The following RUNX3 variants were observed in gnomAD, a reference collection of about 807,000 sequenced individuals.
The protein encoded by RUNX3 is RUNX family transcription factor 3.
Under a neutral mutation model 27.7 loss-of-function variants are expected in RUNX3, and 10 were observed. The ratio of observed to expected loss-of-function variants is 0.36; its 90% CI spans 0.22 to 0.61. The LOEUF is 0.61. Ranked by LOEUF, RUNX3 falls within the 20% of genes least tolerant of loss-of-function variation. The probability of loss-of-function intolerance (pLI) is 0.72; values close to 1 mark genes in which losing one functional copy is unlikely to be tolerated. For missense variants in RUNX3, 469 were observed against 629.5 expected (o/e 0.75, Z 2.73); for synonymous variants, 270 against 269.2 (o/e 1.00, Z -0.03).
chr1:24,905,861 C>T lies in RUNX3; in HGVS notation c.703+1398G>A, dbSNP rs1486679917. ...GAGGCAGCTACGCGGCAGGGGTGGG[C>T]GTGAGCACAGCGTGCAGGGCTCCTT... On this transcript the variant is annotated intron_variant, in intron 4 of 4. Coordinates refer to ENST00000308873, the MANE Select transcript of RUNX3 (RefSeq NM_004350.3). Among the ~76,000 whole-genome samples, 8 of 152,340 alleles carry T rather than the reference C, an allele frequency of 5.3e-5. No homozygotes were observed. The East Asian group carries it at 5.8e-4, about 11-fold the overall frequency.
intron 4 of RUNX3, among the ~76,000 whole-genome samples, chr1:24,905,380 T>C (rs1266304665): frequency 1.3e-5 from 2 of 152,234 alleles, no homozygotes; most frequent in Non-Finnish European, 2.9e-5. Flanking sequence ...GCAGAGTTCA[T>C]GCTCGCCCTG....
chr1:24,921,755 T>C (rs1401243432), intron 2 of RUNX3, among the ~76,000 whole-genome samples: 6 of 152,138 alleles, frequency 3.9e-5, no homozygotes, highest in African/African-American at 9.7e-5. Flanking sequence ...TTCTTGGTTA[T>C]GACGGGGAGT....
At position 24,923,823 on chromosome 1, in the gene RUNX3, G is replaced by C. The variant is rs565001691; in HGVS notation, c.439+3751C>G. Among the ~76,000 whole-genome samples the C allele has an allele frequency of 6.6e-6, 1 of 152,108 alleles. No homozygotes were observed. Among genetic ancestry groups the C allele is most frequent in the Non-Finnish European group, 1.5e-5 (1 of 68,028 alleles). On this transcript the variant is annotated intron_variant, in intron 2 of 4. Transcript: ENST00000308873. This position sits in a 1 kb window ranked among gnomAD's most constrained non-coding sequence, Gnocchi z 5.9. Reference sequence around the variant, plus strand: ...GCACACTGCACCCCGAATCTCTGTCGACACACAGTTGCTTTTTAACCAGTT... The same window carrying C: ...GCACACTGCACCCCGAATCTCTGTCCACACACAGTTGCTTTTTAACCAGTT...
Position 24,927,802 on chromosome 1 carries a change from A to G in RUNX3, c.283-72T>C. ...AGAGGGTGACCAGGGAAAGGAGGGG[A>G]GGGGCTGGGCTGGGCAGCTCCCCCA... On this transcript the variant is annotated intron_variant, in intron 1 of 4. Transcript: ENST00000308873. This position sits in a 1 kb window ranked among gnomAD's most constrained non-coding sequence, Gnocchi z 5.0. The G allele has an allele frequency of 8.9e-7, 1 of 1,125,632 alleles. No individual in the cohort carries two copies. Among genetic ancestry groups the G allele is most frequent in the Non-Finnish European group, 1.3e-6 (1 of 758,896 alleles). 69.7% of individuals were successfully genotyped at this position (1,125,632 alleles called of 1,614,324 possible). A position where few individuals can be genotyped will look rare whatever the true frequency, so the allele number is the denominator to read the frequency against.
Position 24,916,934 on chromosome 1 carries a change from C to T in RUNX3, c.544+2306G>A, listed in dbSNP as rs1640901463. On this transcript the variant is annotated intron_variant, in intron 3 of 4. Coordinates refer to ENST00000308873, the MANE Select transcript of RUNX3 (RefSeq NM_004350.3). The surrounding 1 kb of genome is among the most constrained non-coding windows in gnomAD (Gnocchi z 4.8). ...GCCACGCATTTACCTTCCAGCTCACCCCAGAAGGGGCCATCTCAGGTCTGG... is the reference window on the plus strand; with the variant it reads ...GCCACGCATTTACCTTCCAGCTCACTCCAGAAGGGGCCATCTCAGGTCTGG... Among the ~76,000 whole-genome samples, 1 of 152,156 alleles carries T rather than the reference C, an allele frequency of 6.6e-6. No homozygotes were observed. Among genetic ancestry groups the T allele is most frequent in the Admixed American group, 6.5e-5 (1 of 15,276 alleles).
rs1450739468 is a variant in RUNX3 at position 24,902,411 on chromosome 1, C to A, written c.959G>T (p.Ser320Ile). 6.2e-7 allele frequency: 1 copy of A among 1,612,516 alleles called. No homozygotes were observed. Among genetic ancestry groups the A allele is most frequent in the South Asian group, 1.1e-5 (1 of 91,066 alleles). Residue 320 changes from serine (S) to isoleucine (I), a missense_variant, in exon 5 of 5, where the codon AGC becomes ATC. Ser to Ile is a moderately radical substitution (Grantham distance 142, BLOSUM62 -2). Transcript: ENST00000308873. This position sits in a 1 kb window ranked among gnomAD's most constrained non-coding sequence, Gnocchi z 9.2. ...PPYPGAPQNQ[S>I]GPFQANPSPY... is the part of the protein sequence containing the mutation. ...GGACGGGTTGGCCTGGAAGGGCCCGCTCTGGTTCTGCGGGGCCCCCGGGTA... is the reference window on the plus strand; with the variant it reads ...GGACGGGTTGGCCTGGAAGGGCCCGATCTGGTTCTGCGGGGCCCCCGGGTA...
chr1:24,935,892 C>T (rs1641339823), intron 2 of RUNX3, among the ~76,000 whole-genome samples: 1 of 152,000 alleles, frequency 6.6e-6, no homozygotes, highest in African/African-American at 2.4e-5. Context: ...AGCTTTTCCT[C>T]TGTGGGCCTC....
chr1:24,953,417 A>G (rs1323842458), intron 2 of RUNX3, among the ~76,000 whole-genome samples: 1 of 150,806 alleles, frequency 6.6e-6, no homozygotes, highest in African/African-American at 2.4e-5. Context: ...AAAAAAAAAA[A>G]CAGATCTGCA....
chr1:24,915,482 C>CTAGA (rs1640872617), intron 3 of RUNX3, among the ~76,000 whole-genome samples: 1 of 152,112 alleles, frequency 6.6e-6, no homozygotes, highest in African/African-American at 2.4e-5. Context: ...AACTATCGGA[C>CTAGA]TAGATAGCAC....
chr1:24,902,815 C>T lies in RUNX3; in HGVS notation c.704-149G>A, dbSNP rs931872973. ...TCTCCTCTTCCTGCCCTAGGCTGCC[C>T]GGGGCCTCCCCCGCCAGGACTCCGA... On this transcript the variant is annotated intron_variant, in intron 4 of 4. Transcript: ENST00000308873. This position sits in a 1 kb window ranked among gnomAD's most constrained non-coding sequence, Gnocchi z 9.2. 69 of 597,194 alleles carry T rather than the reference C, an allele frequency of 1.2e-4. No individual in the cohort carries two copies. In the East Asian group the frequency reaches 1.3e-3, roughly 11 times the overall value. The allele number at this position is 597,194 out of a possible 1,614,324, so 37.0% of individuals were successfully genotyped here. A position where few individuals can be genotyped will look rare whatever the true frequency, so the allele number is the denominator to read the frequency against.
chr1:24,930,688 C>T (rs1008224890), upstream of RUNX3, among the ~76,000 whole-genome samples: 3 of 152,114 alleles, frequency 2.0e-5, no homozygotes, highest in Non-Finnish European at 4.4e-5. This position sits in a 1 kb window ranked among gnomAD's most constrained non-coding sequence, Gnocchi z 4.1. Flanking sequence ...TCTGCAACCC[C>T]GGGCTGGGGG....
At chr1:24,931,619 C>A (rs1372751429), upstream of RUNX3, among the ~76,000 whole-genome samples, 1 of 152,214 alleles carries the variant, frequency 6.6e-6, no homozygotes, top group Non-Finnish European at 1.5e-5. Flanking sequence ...GAATTCCAAG[C>A]CTCGGAAGCA....
intron 2 of RUNX3, among the ~76,000 whole-genome samples, chr1:24,924,151 G>C (rs1641053499): frequency 6.6e-6 from 1 of 152,164 alleles, no homozygotes; most frequent in African/African-American, 2.4e-5. Context: ...AGGATCGCTT[G>C]AGTCCAGGAG....
intron 2 of RUNX3, among the ~76,000 whole-genome samples, chr1:24,959,870 G>A (rs141063039): frequency 1.6e-4 from 25 of 152,246 alleles, no homozygotes; most frequent in Non-Finnish European, 2.6e-4. Flanking sequence ...GGGGGACCTC[G>A]GCCAGACCCA....
chr1:24,908,284 G>A (rs1466322659), intron 3 of RUNX3, among the ~76,000 whole-genome samples: 1 of 148,698 alleles, frequency 6.7e-6, no homozygotes, highest in African/African-American at 2.5e-5. Flanking sequence ...AAACCTCTAC[G>A]ACATGTGGTG....
In RUNX3 at chr1:24,929,737, G is replaced by C. The variant is rs962788675; in HGVS notation, c.132C>G (p.Pro44=). ...GALSAQAAVG[P]GGRARPEVRS... ...GCACCTCGGGCCGGGCGCGCCCTCCGGGCCCCACGGCCGCCTGCGCGCTCA... is the reference window on the plus strand; with the variant it reads ...GCACCTCGGGCCGGGCGCGCCCTCCCGGCCCCACGGCCGCCTGCGCGCTCA... The change falls in exon 1 of 5, where the codon CCC becomes CCG. Residue 44 remains proline (P), a synonymous_variant. Coordinates refer to ENST00000308873, the MANE Select transcript of RUNX3 (RefSeq NM_004350.3). 17 of 1,487,888 alleles carry C rather than the reference G, an allele frequency of 1.1e-5. No individual in the cohort carries two copies. The highest frequency in any genetic ancestry group is 1.3e-5 in the South Asian group (1 of 77,296). The allele number at this position is 1,487,888 out of a possible 1,614,324, so 92.2% of individuals were successfully genotyped here.
intron 3 of RUNX3, among the ~76,000 whole-genome samples, chr1:24,918,711 G>GATGGACC (rs1361339710): frequency 2.6e-5 from 4 of 152,138 alleles, no homozygotes; most frequent in African/African-American, 9.7e-5. Context: ...AACTCGCTTT[G>GATGGACC]ATGGACCAGA....
At chr1:24,936,130 T>A (rs1177182792) in intron 2 of RUNX3, among the ~76,000 whole-genome samples, 2 of 152,228 alleles carry the variant, frequency 1.3e-5, no homozygotes, top group Non-Finnish European at 2.9e-5. Context: ...CAAGGGGGCT[T>A]CTGGGAAACA....
rs376662782 is a variant in RUNX3 at position 24,919,206 on chromosome 1, C to G, written c.544+34G>C. ...CTTCCCGCACTGGACCCTCCTCCCC[C>G]GCGCAGGGGCTCAGGGGGCTCGGTG... On this transcript the variant is annotated intron_variant, in intron 3 of 4. Coordinates refer to ENST00000308873, the MANE Select transcript of RUNX3 (RefSeq NM_004350.3). 9.5e-6 allele frequency: 13 copies of G among 1,367,792 alleles called. No individual in the cohort carries two copies. In the East Asian group the frequency reaches 2.9e-4, roughly 30 times the overall value. 84.7% of individuals were successfully genotyped at this position (1,367,792 alleles called of 1,614,324 possible).
Sources: gnomAD v4.1 joint callset for allele counts (sites outside exome capture counted in the v4.1 genomes callset) on GRCh38, gnomAD v4.1.1 for gene constraint, Gnocchi (gnomAD v3.1) non-coding constraint, MANE v1.5 for transcripts, NCBI Gene and HGNC (gene_info 2026-07-23, HGNC 2026-07-21) for gene names.